The following POLE variants were observed in gnomAD, a reference collection of about 807,000 sequenced individuals.
POLE encodes the protein DNA polymerase epsilon catalytic subunit A.
A neutral mutation model predicts 279.2 loss-of-function variants in POLE; 188 were observed. That is an observed-to-expected ratio of 0.67 (90% CI 0.60 to 0.76). The LOEUF (loss-of-function observed/expected upper bound fraction) is 0.76, where lower values mean the gene tolerates loss of function less well. Among genes scored for constraint, POLE ranks in the 30% least tolerant of loss-of-function variants. POLE has a pLI of 0.00. For synonymous variants in POLE, 1,214 were observed against 1,172.5 expected (o/e 1.04, Z -0.72); for missense variants, 2,703 against 3,016.7 (o/e 0.90, Z 2.44).
rs543815400 is a variant in POLE at position 132,668,592 on chromosome 12, A to AC, written c.2026+42dup. 15 of 1,590,314 alleles carry AC rather than the reference A, an allele frequency of 9.4e-6. No individual in the cohort carries two copies. Among genetic ancestry groups the AC allele is most frequent in the Non-Finnish European group, 1.3e-5 (15 of 1,162,266 alleles). The stretch of plus-strand genomic sequence containing the variant: ...GGAGAAAGGCGGCCGACACTCACCC[A>AC]CCCGTTTCCCACCGAGTGCCCACCC... On this transcript the variant is annotated intron_variant, in intron 18 of 48. Coordinates refer to ENST00000320574, the MANE Select transcript of POLE (RefSeq NM_006231.4). This position sits in a 1 kb window ranked among gnomAD's most constrained non-coding sequence, Gnocchi z 4.0.
In POLE at chr12:132,654,415, A is replaced by G. The variant is rs929187671; in HGVS notation, c.3582+2721T>C. On this transcript the variant is annotated intron_variant, in intron 29 of 48. Coordinates refer to ENST00000320574, the MANE Select transcript of POLE (RefSeq NM_006231.4). Reference sequence around the variant, plus strand: ...CAATTTCTGTAATGGTTAAAGTTCTATTCAGGTTTTTATTACTTCTTAGGT... The same window carrying G: ...CAATTTCTGTAATGGTTAAAGTTCTGTTCAGGTTTTTATTACTTCTTAGGT... 3.9e-5 allele frequency among the ~76,000 whole-genome samples: 6 copies of G among 152,224 alleles called. No individual in the cohort carries two copies. In the East Asian group the frequency reaches 1.2e-3, roughly 29 times the overall value.
At chr12:132,686,495 A>C (rs910468032) in intron 1 of POLE, among the ~76,000 whole-genome samples, 7 of 151,886 alleles carry the variant, frequency 4.6e-5, no homozygotes, top group East Asian at 2.0e-4. Flanking sequence ...AGCACTTTGG[A>C]AGGCCGAGGC....
intron 47 of POLE, 151 bp downstream of exon 47, chr12:132,625,494 C>A: frequency 1.0e-6 from 1 of 977,170 alleles, no homozygotes. Flanking sequence ...AACAGTCCAT[C>A]AGGCTCAGGG....
intron 2 of POLE, 50 bp downstream of exon 2, chr12:132,681,088 C>G (rs751575819): frequency 6.2e-7 from 1 of 1,607,318 alleles, no homozygotes; most frequent in South Asian, 1.1e-5. Context: ...ACGCTATGAC[C>G]AGAAGGGTTG....
At chr12:132,659,202 G>T in intron 26 of POLE, 93 bp downstream of exon 26, 1 of 1,310,736 alleles carries the variant, frequency 7.6e-7, no homozygotes, top group Admixed American at 2.1e-5. Context: ...TCTCTGTGAT[G>T]AGGGGAGCCC....
At position 132,671,593 on chromosome 12, in the gene POLE, C is replaced by T. The variant is rs542969060; in HGVS notation, c.1794+622G>A. Among the ~76,000 whole-genome samples, 11 of 150,410 alleles carry T rather than the reference C, an allele frequency of 7.3e-5. No individual in the cohort carries two copies. In the South Asian group the frequency reaches 1.9e-3, roughly 26 times the overall value. On this transcript the variant is annotated intron_variant, in intron 16 of 48. Transcript: ENST00000320574. ...CTGAGGCAGGAGAATTGCTTGAACCCGGGAGGCAGAGGTTGCAGTGAGCCA... is the reference window on the plus strand; with the variant it reads ...CTGAGGCAGGAGAATTGCTTGAACCTGGGAGGCAGAGGTTGCAGTGAGCCA...
rs2135992581 is a variant in POLE, at chr12:132,672,613, G to A, written c.1686+14C>T. 6.2e-7 allele frequency: 1 copy of A among 1,612,424 alleles called. No individual in the cohort carries two copies. The highest frequency in any genetic ancestry group is 1.1e-5 in the South Asian group (1 of 91,062). ...AAGAGTGGGAAGAATCTGAATCCCAGGGAAGAAGCACACCATCCTAAACCG... is the reference window on the plus strand; with the variant it reads ...AAGAGTGGGAAGAATCTGAATCCCAAGGAAGAAGCACACCATCCTAAACCG... On this transcript the variant is annotated intron_variant, in intron 15 of 48. Transcript: ENST00000320574.
chr12:132,634,441 G>T lies in POLE; in HGVS notation c.5812-63C>A. On this transcript the variant is annotated intron_variant, in intron 42 of 48. Coordinates refer to ENST00000320574, the MANE Select transcript of POLE (RefSeq NM_006231.4). This position sits in a 1 kb window ranked among gnomAD's most constrained non-coding sequence, Gnocchi z 4.0. ...TCGCGGCCTGGTAGAGGGGTAGGAT[G>T]CCACAGCGAAGGCTCCTCCAACCTG... 7 of 1,515,382 alleles carry T rather than the reference G, an allele frequency of 4.6e-6. No individual in the cohort carries two copies. The South Asian group carries it at 8.6e-5, about 19-fold the overall frequency. 93.9% of individuals were successfully genotyped at this position (1,515,382 alleles called of 1,614,324 possible).
At chr12:132,641,916 C>A in intron 38 of POLE, 65 bp from the exon 39 acceptor site, 2 of 1,506,746 alleles carry the variant, frequency 1.3e-6, no homozygotes, top group Non-Finnish European at 1.8e-6. Context: ...GCCCCCTGGG[C>A]CTGACTCCAG....
At chr12:132,686,572 T>C (rs1390983801) in intron 1 of POLE, among the ~76,000 whole-genome samples, 2 of 151,766 alleles carry the variant, frequency 1.3e-5, no homozygotes, top group Non-Finnish European at 2.9e-5. Flanking sequence ...CGGTCTCTAC[T>C]AAAAATACAA....
Position 132,661,513 on chromosome 12 carries a change from T to C in POLE, c.2864+14A>G. 2 of 1,613,648 alleles carry C rather than the reference T, an allele frequency of 1.2e-6. No individual in the cohort carries two copies. Among genetic ancestry groups the C allele is most frequent in the Non-Finnish European group, 1.7e-6 (2 of 1,179,664 alleles). On this transcript the variant is annotated intron_variant, in intron 24 of 48. Transcript: ENST00000320574. The surrounding 1 kb of genome is among the most constrained non-coding windows in gnomAD (Gnocchi z 4.1). ...CATGTCCTTTCTAAAGCACAAAAGC[T>C]ATGAGAGTCCCACCTCTTCTTCAAT...
Position 132,667,665 on chromosome 12 carries a change from T to C in POLE, c.2174-17A>G, listed in dbSNP as rs2135971519. On this transcript the variant is annotated splice_polypyrimidine_tract_variant and intron_variant, in intron 19 of 48. Transcript: ENST00000320574. ...GGCAGTAATCTAAGCACGACGGAGA[T>C]GGGCAGAGCAGGTGGGTGAGATCTC... 1 of 1,613,448 alleles carries C rather than the reference T, an allele frequency of 6.2e-7. No individual in the cohort carries two copies. Among genetic ancestry groups the C allele is most frequent in the Admixed American group, 1.7e-5 (1 of 60,014 alleles).
intron 29 of POLE, among the ~76,000 whole-genome samples, chr12:132,656,886 G>A (rs1366851126): frequency 1.3e-5 from 2 of 152,184 alleles, no homozygotes; most frequent in Non-Finnish European, 2.9e-5. Context: ...AGTCTAAGTA[G>A]TGCACCCTAA....
intron 1 of POLE, among the ~76,000 whole-genome samples, chr12:132,683,809 C>T (rs531097695): frequency 8.5e-4 from 129 of 152,346 alleles, no homozygotes; most frequent in African/African-American, 3.0e-3. Context: ...ATATTTCCTC[C>T]CAAAACTGCT....
chr12:132,659,773 A>AC, intron 25 of POLE: 1 of 392,026 alleles, frequency 2.6e-6, no homozygotes, highest in Non-Finnish European at 4.7e-6. Flanking sequence ...ACTCACTAAA[A>AC]CCTCCCCTCC....
intron 20 of POLE, among the ~76,000 whole-genome samples, chr12:132,666,813 C>G (rs1046467902): frequency 6.6e-6 from 1 of 152,024 alleles, no homozygotes; most frequent in Admixed American, 6.6e-5. Flanking sequence ...CACAACAGTG[C>G]GAATATGCTT....
chr12:132,674,959 T>C (rs1477901029), intron 12 of POLE, among the ~76,000 whole-genome samples: 1 of 151,714 alleles, frequency 6.6e-6, no homozygotes, highest in Non-Finnish European at 1.5e-5. Context: ...CAACCAGTCA[T>C]GTCAGAGCCC....
intron 33 of POLE, 32 bp downstream of exon 33, chr12:132,643,805 C>T (rs756666852): frequency 6.2e-6 from 10 of 1,605,724 alleles, no homozygotes; most frequent in Non-Finnish European, 8.5e-6. Flanking sequence ...TGGAGCCTCC[C>T]CCAGTTCAGT....
rs5744987 is a variant in POLE, at chr12:132,636,386, T to G, written c.5679-362A>C. 4.7e-3 allele frequency among the ~76,000 whole-genome samples: 617 copies of G among 130,864 alleles called. 6 individuals are homozygous for G. The highest frequency in any genetic ancestry group is 0.017 in the African/African-American group (595 of 34,374). 85.9% of individuals were successfully genotyped at this position (130,864 alleles called of 152,430 possible). A position where few individuals can be genotyped will look rare whatever the true frequency, so the allele number is the denominator to read the frequency against. Reference sequence around the variant, plus strand: ...AAGCTATCGTCATCCTTGTCACTCCTCGGTTAAGCCTCCCTAGCGCTGACC... The same window carrying G: ...AAGCTATCGTCATCCTTGTCACTCCGCGGTTAAGCCTCCCTAGCGCTGACC... On this transcript the variant is annotated intron_variant, in intron 41 of 48. Coordinates refer to ENST00000320574, the MANE Select transcript of POLE (RefSeq NM_006231.4).
Sources: allele counts gnomAD v4.1 joint callset (sites outside exome capture counted in the v4.1 genomes callset), GRCh38; gene constraint gnomAD v4.1.1; non-coding constraint Gnocchi (gnomAD v3.1); transcripts MANE v1.5; gene names NCBI Gene and HGNC (gene_info 2026-07-23, HGNC 2026-07-21).